The following MINDY2 variants were observed in gnomAD, a reference collection of about 807,000 sequenced individuals.
MINDY2 encodes the protein MINDY lysine 48 deubiquitinase 2.
MINDY2 carries 52 observed loss-of-function variants against 68.2 expected under a neutral mutation model. That is an observed-to-expected ratio of 0.76 (90% CI 0.61 to 0.96). The LOEUF is 0.96. Ranked by LOEUF, MINDY2 falls within the 40% of genes least tolerant of loss-of-function variation. The probability of loss-of-function intolerance (pLI) is 0.00; values close to 1 mark genes in which losing one functional copy is unlikely to be tolerated. For synonymous variants in MINDY2, 372 were observed against 303.0 expected (o/e 1.23, Z -2.36); for missense variants, 881 against 773.4 (o/e 1.14, Z -1.65).
At chr15:58,842,924 TCAA>T (rs1157291082) in intron 6 of MINDY2, among the ~76,000 whole-genome samples, 1 of 152,178 alleles carries the variant, frequency 6.6e-6, no homozygotes, top group Non-Finnish European at 1.5e-5. Context: ...GACTTTCAAG[TCAA>T]CAACTATGCT....
chr15:58,787,737 A>C (rs1283902627), intron 1 of MINDY2, among the ~76,000 whole-genome samples, 169 bp from the exon 2 acceptor site: 1 of 40,860 alleles, frequency 2.4e-5, no homozygotes, highest in African/African-American at 1.4e-4. Context: ...AGTCCGTCTC[A>C]AAAAAAAAAA....
At chr15:58,795,199 A>C (rs1372826389) in intron 2 of MINDY2, among the ~76,000 whole-genome samples, 2 of 151,622 alleles carry the variant, frequency 1.3e-5, no homozygotes, top group African/African-American at 2.4e-5. Context: ...ATAAATAAAT[A>C]AATCTGTGGA....
At chr15:58,816,835 C>T (rs186586204) in intron 4 of MINDY2, among the ~76,000 whole-genome samples, 76 of 152,196 alleles carry the variant, frequency 5.0e-4, no homozygotes, top group African/African-American at 1.8e-3. Flanking sequence ...TCCCTGTAGT[C>T]GCAGTTACTC....
At chr15:58,843,818 G>A (rs1222463911) in intron 6 of MINDY2, among the ~76,000 whole-genome samples, 1 of 110,678 alleles carries the variant, frequency 9.0e-6, no homozygotes, top group Non-Finnish European at 1.8e-5. Flanking sequence ...GGGCAACAGA[G>A]TGAGACTCTG....
At chr15:58,783,342 A>G (rs1901281716) in intron 1 of MINDY2, among the ~76,000 whole-genome samples, 1 of 152,146 alleles carries the variant, frequency 6.6e-6, no homozygotes, top group Non-Finnish European at 1.5e-5. Flanking sequence ...TACTTATTAT[A>G]TTGGTATTCT....
chr15:58,824,373 T>A (rs1471612847), intron 5 of MINDY2, among the ~76,000 whole-genome samples: 1 of 152,150 alleles, frequency 6.6e-6, no homozygotes, highest in African/African-American at 2.4e-5. Context: ...TGGTATAGAA[T>A]TTTTAGGGAA....
intron 2 of MINDY2, among the ~76,000 whole-genome samples, chr15:58,792,005 G>A (rs1489704600): frequency 1.3e-5 from 2 of 152,144 alleles, no homozygotes; most frequent in Admixed American, 6.5e-5. Flanking sequence ...TCAAGGAAGA[G>A]TGAGAGATGA....
chr15:58,810,818 G>C (rs115139464), intron 4 of MINDY2, among the ~76,000 whole-genome samples: 1 of 152,170 alleles, frequency 6.6e-6, no homozygotes, highest in Non-Finnish European at 1.5e-5. Flanking sequence ...ATCTAGGAGG[G>C]TTCCAACTGT....
Position 58,847,284 on chromosome 15 carries a change from ACTT to A in MINDY2, c.1369-9_1369-7del. On this transcript the variant is annotated splice_polypyrimidine_tract_variant and intron_variant, in intron 6 of 8. Coordinates refer to ENST00000559228, the MANE Select transcript of MINDY2 (RefSeq NM_001040450.3). ...ATTTAACAGTCCTTTTTCTTTTGTT[ACTT>A]CTTATTAAGGGTCAACTGTATTTGT... 3 of 1,529,858 alleles carry A rather than the reference ACTT, an allele frequency of 2.0e-6. No individual in the cohort carries two copies. The highest frequency in any genetic ancestry group is 2.7e-6 in the Non-Finnish European group (3 of 1,129,768). 94.8% of individuals were successfully genotyped at this position (1,529,858 alleles called of 1,614,324 possible).
chr15:58,830,965 C>T (rs1222871466), intron 5 of MINDY2, among the ~76,000 whole-genome samples: 1 of 149,562 alleles, frequency 6.7e-6, no homozygotes, highest in Admixed American at 6.7e-5. Flanking sequence ...GTTAGATGAA[C>T]TTGTAGATAT....
chr15:58,830,347 C>T (rs1411535323), intron 5 of MINDY2, among the ~76,000 whole-genome samples: 4 of 152,134 alleles, frequency 2.6e-5, no homozygotes, highest in Non-Finnish European at 4.4e-5. Context: ...GCGTTAAACT[C>T]ACAGCCAACA....
At chr15:58,801,487 G>A (rs942831411) in intron 2 of MINDY2, among the ~76,000 whole-genome samples, 2 of 148,516 alleles carry the variant, frequency 1.3e-5, no homozygotes, top group African/African-American at 5.0e-5. Flanking sequence ...AAGATAATAC[G>A]TAGATTTAAA....
At chr15:58,780,975 A>G (rs1284115500) in intron 1 of MINDY2, among the ~76,000 whole-genome samples, 1 of 152,152 alleles carries the variant, frequency 6.6e-6, no homozygotes, top group Non-Finnish European at 1.5e-5. Flanking sequence ...GGGGGGAGAT[A>G]TTTCAGCCTA....
In MINDY2 at chr15:58,859,340, G is replaced by A. The variant is rs1166825696; in HGVS notation, c.*4730G>A. The A allele has an allele frequency of 2.6e-5, 4 of 151,848 alleles. No homozygotes were observed. The highest frequency in any genetic ancestry group is 4.8e-5 in the African/African-American group (2 of 41,336). The allele number at this position is 151,848 out of a possible 1,614,324, so 9.4% of individuals were successfully genotyped here. Reference sequence around the variant, plus strand: ...ATTACTAATACAGTATATAAACTTCGTTTGCATTGGTGGAATTCATTTAGA... The same window carrying A: ...ATTACTAATACAGTATATAAACTTCATTTGCATTGGTGGAATTCATTTAGA... On this transcript the variant is annotated 3_prime_UTR_variant, in exon 9 of 9. Coordinates refer to ENST00000559228, the MANE Select transcript of MINDY2 (RefSeq NM_001040450.3).
At chr15:58,829,190 A>G (rs2031584008) in intron 5 of MINDY2, among the ~76,000 whole-genome samples, 1 of 152,212 alleles carries the variant, frequency 6.6e-6, no homozygotes, top group African/African-American at 2.4e-5. Context: ...ATAAAGGCTA[A>G]TTAATTATAA....
At chr15:58,801,038 A>G (rs1902612986) in intron 2 of MINDY2, among the ~76,000 whole-genome samples, 1 of 152,000 alleles carries the variant, frequency 6.6e-6, no homozygotes. Context: ...CAGTGGCGTG[A>G]TCTTGGCTCA....
intron 5 of MINDY2, among the ~76,000 whole-genome samples, chr15:58,823,540 C>T (rs866810650): frequency 2.0e-5 from 3 of 151,932 alleles, no homozygotes; most frequent in African/African-American, 7.3e-5. Context: ...AGCCAGGCAC[C>T]TCTAGCTCCA....
intron 4 of MINDY2, 108 bp downstream of exon 4, chr15:58,810,496 T>C: frequency 8.8e-7 from 1 of 1,136,648 alleles, no homozygotes; most frequent in Non-Finnish European, 1.2e-6. Flanking sequence ...TTTGTACTTT[T>C]GCCTGGAATT....
At chr15:58,795,561 C>A (rs941714885) in intron 2 of MINDY2, among the ~76,000 whole-genome samples, 1 of 152,024 alleles carries the variant, frequency 6.6e-6, no homozygotes, top group Non-Finnish European at 1.5e-5. Flanking sequence ...CCTGCCACCA[C>A]GCCCAGCTAA....
Sources: gnomAD v4.1 joint callset for allele counts (sites outside exome capture counted in the v4.1 genomes callset) on GRCh38, gnomAD v4.1.1 for gene constraint, MANE v1.5 for transcripts, NCBI Gene and HGNC (gene_info 2026-07-23, HGNC 2026-07-21) for gene names.